Variants in RNF213 observed in about 807,000 individuals in gnomAD.
RNF213 encodes E3 ubiquitin-protein ligase RNF213.
In RNF213, 341 loss-of-function variants were observed where a neutral mutation model predicts 514.4. The ratio of observed to expected loss-of-function variants is 0.66; its 90% confidence interval spans 0.61 to 0.73. The LOEUF is 0.73. Ranked by LOEUF, RNF213 falls within the 30% of genes least tolerant of loss-of-function variation. The probability of loss-of-function intolerance (pLI) is 0.00; values close to 1 mark genes in which losing one functional copy is unlikely to be tolerated. For missense variants in RNF213, 5,767 were observed against 6,615.6 expected, an observed-to-expected ratio of 0.87 and a Z score of 4.45; for synonymous variants, 2,655 against 2,658.2, an observed-to-expected ratio of 1.00 and a Z score of 0.04.
chr17:80,310,262 GTTTT>G (rs1015916662), intron 14 of RNF213, among the ~76,000 whole-genome samples: 2 of 151,720 alleles, frequency 1.3e-5, no homozygotes, highest in African/African-American at 4.8e-5. Flanking sequence ...TCATTTGTTT[GTTTT>G]TTTGAGATGG....
At chr17:80,291,600 TA>T in intron 7 of RNF213, 27 bp from the exon 8 acceptor site, 1 of 1,612,422 alleles carries the variant, frequency 6.2e-7, no homozygotes, top group Non-Finnish European at 8.5e-7. Context: ...GAATTTTGGA[TA>T]GCCAACCGTA....
intron 38 of RNF213, among the ~76,000 whole-genome samples, chr17:80,361,295 G>A (rs1474462832): frequency 1.3e-5 from 2 of 152,212 alleles, no homozygotes; most frequent in African/African-American, 4.8e-5. Context: ...AAGGCCGGCA[G>A]ATCACCTGAG....
chr17:80,271,041 C>G (rs981253628), intron 2 of RNF213, among the ~76,000 whole-genome samples: 2 of 152,046 alleles, frequency 1.3e-5, no homozygotes, highest in African/African-American at 4.8e-5. Context: ...TAGTCAATCA[C>G]TAGTGCCAGG....
rs1222632381 is a variant in RNF213, at chr17:80,350,291, T to C, written c.10089-10T>C. ...GAGAACTCACTTGAATAACTTCCCT[T>C]TTCTTTCAGAAACTGTTTAACGAAT... On this transcript the variant is annotated splice_polypyrimidine_tract_variant and intron_variant, in intron 30 of 67. Transcript: ENST00000582970. 1.3e-6 allele frequency: 2 copies of C among 1,552,428 alleles called. No individual in the cohort carries two copies. Among genetic ancestry groups the C allele is most frequent in the Non-Finnish European group, 1.8e-6 (2 of 1,123,822 alleles).
rs1451923551 is a variant in RNF213, at chr17:80,340,267, A to G, written c.5900A>G (p.Tyr1967Cys). 2.5e-6 allele frequency: 4 copies of G among 1,613,908 alleles called. No homozygotes were observed. The highest frequency in any genetic ancestry group is 1.3e-5 in the African/African-American group (1 of 74,900). Residue 1967 changes from tyrosine to cysteine, a missense_variant, in exon 26 of 68, where the codon TAC (tyrosine) becomes TGC (cysteine). By Grantham distance (194) the Tyr-to-Cys change is radical. Coordinates refer to ENST00000582970, the MANE Select transcript of RNF213 (RefSeq NM_001256071.3). ...EAIQAYLAGH[Y>C]RVPKQTLSAA... ...ATCCAAGCCTACCTGGCAGGTCACTACCGGGTCCCGAAGCAGACCCTGTCG... is the reference window on the plus strand; with the variant it reads ...ATCCAAGCCTACCTGGCAGGTCACTGCCGGGTCCCGAAGCAGACCCTGTCG...
Position 80,344,891 on chromosome 17 carries a change from CAAG to C in RNF213, c.6560_6562del (p.Glu2187del). On this transcript the variant is annotated inframe_deletion, in exon 29 of 68. Transcript: ENST00000582970. ...CCAAGACCTAGACACGTTTCAGTAT[CAAG>C]AAGGCTCTGTCGAAGGCACCCCGGA... is the stretch of plus-strand genomic sequence containing the variant. The C allele has an allele frequency of 1.2e-6, 2 of 1,614,164 alleles. No homozygotes were observed. The highest frequency in any genetic ancestry group is 1.1e-5 in the South Asian group (1 of 91,082).
chr17:80,337,586 T>C lies in RNF213; in HGVS notation c.4528T>C (p.Cys1510Arg). 2.0e-6 allele frequency: 3 copies of C among 1,537,274 alleles called. No individual in the cohort carries two copies. Among genetic ancestry groups the C allele is most frequent in the South Asian group, 1.2e-5 (1 of 84,066 alleles). Residue 1510 changes from cysteine (C) to arginine (R), a missense_variant and splice_region_variant, in exon 24 of 68, where the codon TGT becomes CGT. Physicochemically the swap from Cys to Arg is radical, Grantham distance 180. Coordinates refer to ENST00000582970, the MANE Select transcript of RNF213 (RefSeq NM_001256071.3). ...DKDQYLPRKLCDSARNLEWLK... is the reference protein window; with the variant it reads ...DKDQYLPRKLRDSARNLEWLK... ...GTGTTCTCTCCTTTTGTCCCCATAG[T>C]GTGACTCCGCCAGGAACTTGGAATG...
In RNF213 at chr17:80,281,301, C is replaced by T. The variant is rs550026110; in HGVS notation, c.262-6514C>T. On this transcript the variant is annotated intron_variant, in intron 3 of 67. Transcript: ENST00000582970. The stretch of plus-strand genomic sequence containing the variant: ...CTCCCCCCCACACACATACCCTCCA[C>T]ACACACATACCCCACTCACACCACT... Among the ~76,000 whole-genome samples the T allele has an allele frequency of 9.5e-5, 10 of 105,260 alleles. No individual in the cohort carries two copies. The East Asian group carries it at 2.7e-3, about 29-fold the overall frequency. The allele number at this position is 105,260 out of a possible 152,430, so 69.1% of individuals were successfully genotyped here. A position where few individuals can be genotyped will look rare whatever the true frequency, so the allele number is the denominator to read the frequency against.
chr17:80,344,734 G>A lies in RNF213; in HGVS notation c.6399G>A (p.Arg2133=), dbSNP rs1179796437. The A allele has an allele frequency of 3.7e-6, 6 of 1,614,110 alleles. No homozygotes were observed. The highest frequency in any genetic ancestry group is 5.1e-6 in the Non-Finnish European group (6 of 1,180,006). Residue 2133 remains arginine, a synonymous_variant, in exon 29 of 68, where the codon AGG becomes AGA. Transcript: ENST00000582970. ...ACATCTTCCCAAAAGTCACCTGCAG[G>A]CCTCCCAAAGAGGTGATAGACATGG... is the stretch of plus-strand genomic sequence containing the variant. ...FLDIFPKVTC[R]PPKEVIDMEL...
At chr17:80,369,955 C>G in intron 46 of RNF213, 88 bp downstream of exon 46, 1 of 883,486 alleles carries the variant, frequency 1.1e-6, no homozygotes, top group Non-Finnish European at 1.9e-6. Context: ...CTTGTCGTGA[C>G]TAGTAGCTAG....
intron 46 of RNF213, among the ~76,000 whole-genome samples, chr17:80,370,647 A>T (rs1301667967): frequency 1.3e-5 from 2 of 152,326 alleles, no homozygotes; most frequent in East Asian, 3.9e-4. Context: ...CGTTTTGTGG[A>T]AATGGGAAGC....
In RNF213 at chr17:80,396,744, C is replaced by CCCCCCCA. The variant is rs1599237332; in HGVS notation, c.*3248_*3249insCCCCACC. 1 of 101,182 alleles carries CCCCCCCA rather than the reference C, an allele frequency of 9.9e-6. No individual in the cohort carries two copies. The allele number at this position is 101,182 out of a possible 1,614,324, so 6.3% of individuals were successfully genotyped here. A position where few individuals can be genotyped will look rare whatever the true frequency, so the allele number is the denominator to read the frequency against. On this transcript the variant is annotated 3_prime_UTR_variant, in exon 68 of 68. Transcript: ENST00000582970. ...GTGCATTTCCCCCCCACCCCCCCCC[C>CCCCCCCA]CCAACCAGAGCAACTTTGGTCAGAA... is the stretch of plus-strand genomic sequence containing the variant.
rs117794958 is a variant in RNF213, at chr17:80,375,608, A to T, written c.13075-152A>T. 6,505 of 671,004 alleles carry T rather than the reference A, an allele frequency of 9.7e-3. 54 individuals carry two copies. The highest frequency in any genetic ancestry group is 0.013 in the Non-Finnish European group (4,835 of 364,928). 41.6% of individuals were successfully genotyped at this position (671,004 alleles called of 1,614,324 possible). A position where few individuals can be genotyped will look rare whatever the true frequency, so the allele number is the denominator to read the frequency against. ...GTAGTCCCAGCTACTCGGGAGGCTG[A>T]GTTAGAATCGCTTGAACCCGAGAGG... On this transcript the variant is annotated intron_variant, in intron 50 of 67. Coordinates refer to ENST00000582970, the MANE Select transcript of RNF213 (RefSeq NM_001256071.3).
At position 80,355,791 on chromosome 17, in the gene RNF213, A is replaced by G. The variant is rs111326764; in HGVS notation, c.10862+1215A>G. ...ATGGGAATGGGGGCTCATGGAGGAAAAAGCGGGGTGACCGGGAATGGGGGC... is the reference window on the plus strand; with the variant it reads ...ATGGGAATGGGGGCTCATGGAGGAAGAAGCGGGGTGACCGGGAATGGGGGC... On this transcript the variant is annotated intron_variant, in intron 36 of 67. Transcript: ENST00000582970. Among the ~76,000 whole-genome samples, 114 of 33,632 alleles carry G rather than the reference A, an allele frequency of 3.4e-3. 1 individual carries two copies. The highest frequency in any genetic ancestry group is 7.2e-3 in the African/African-American group (48 of 6,660). 22.1% of individuals were successfully genotyped at this position (33,632 alleles called of 152,430 possible).
rs561635236 is a variant in RNF213, at chr17:80,389,189, C to T, written c.15017C>T (p.Ser5006Leu). The T allele has an allele frequency of 3.6e-4, 576 of 1,614,124 alleles. 7 individuals are homozygous for T. The South Asian group carries it at 5.8e-3, about 16-fold the overall frequency. The change falls in exon 65 of 68, where the codon TCG becomes TTG. Residue 5006 changes from serine to leucine, a missense_variant. Ser to Leu is a moderately radical substitution (Grantham distance 145, BLOSUM62 -2). Coordinates refer to ENST00000582970, the MANE Select transcript of RNF213 (RefSeq NM_001256071.3). ...NKMAQDSLPS[S>L]VISAISGQLQ... is the part of the protein sequence containing the mutation. Reference sequence around the variant, plus strand: ...ATTTCCCAGGACTCCCTCCCCAGCTCGGTCATTAGTGCCATCAGTGGACAG... The same window carrying T: ...ATTTCCCAGGACTCCCTCCCCAGCTTGGTCATTAGTGCCATCAGTGGACAG...
chr17:80,313,504 T>A (rs62076487), intron 15 of RNF213, among the ~76,000 whole-genome samples: 1 of 14,058 alleles, frequency 7.1e-5, no homozygotes, highest in African/African-American at 3.1e-4. Context: ...GTGGTGGTGG[T>A]GGTAGAGGTG....
Position 80,317,183 on chromosome 17 carries a change from T to G in RNF213, c.2812-5T>G. 6.2e-7 allele frequency: 1 copy of G among 1,611,208 alleles called. No individual in the cohort carries two copies. The highest frequency in any genetic ancestry group is 1.1e-5 in the South Asian group (1 of 89,738). On this transcript the variant is annotated splice_region_variant and splice_polypyrimidine_tract_variant and intron_variant, in intron 15 of 67. Transcript: ENST00000582970. This position sits in a 1 kb window ranked among gnomAD's most constrained non-coding sequence, Gnocchi z 4.1. ...GTGGGTGTGACCTGTGTGCGGGTTTTGCAGGTCTGGAGGCGGCTGGTGGAA... is the reference window on the plus strand; with the variant it reads ...GTGGGTGTGACCTGTGTGCGGGTTTGGCAGGTCTGGAGGCGGCTGGTGGAA...
At chr17:80,339,162 A>G (rs1234635611) in intron 25 of RNF213, 39 bp from the exon 26 acceptor site, 8 of 1,433,482 alleles carry the variant, frequency 5.6e-6, no homozygotes, top group South Asian at 2.9e-5. Context: ...ACCCTCTCGC[A>G]TGGCTCTGTG....
Position 80,393,453 on chromosome 17 carries a change from G to A in RNF213, c.15579G>A (p.Val5193=), listed in dbSNP as rs2080566004. The A allele has an allele frequency of 6.2e-7, 1 of 1,614,196 alleles. No homozygotes were observed. ...TACTGCTCGCCAGCTGTGTCTCAGTGTGGAAAACAGCTGCTGTGCTGAAAT... is the reference window on the plus strand; with the variant it reads ...TACTGCTCGCCAGCTGTGTCTCAGTATGGAAAACAGCTGCTGTGCTGAAAT... ...EEILLASCVS[V]WKTAAVLKWN... The change falls in exon 68 of 68, where the codon GTG becomes GTA. Residue 5193 remains valine (V), a synonymous_variant. Coordinates refer to ENST00000582970, the MANE Select transcript of RNF213 (RefSeq NM_001256071.3).
Sources: allele counts gnomAD v4.1 joint callset (sites outside exome capture counted in the v4.1 genomes callset), GRCh38; gene constraint gnomAD v4.1.1; non-coding constraint Gnocchi (gnomAD v3.1); transcripts MANE v1.5; gene names NCBI Gene and HGNC (gene_info 2026-07-23, HGNC 2026-07-21).